Variants in SNTG1 observed in about 807,000 individuals in gnomAD.
The protein encoded by SNTG1 is syntrophin gamma 1.
A neutral mutation model predicts 74.7 loss-of-function variants in SNTG1; 39 were observed. That is an observed-to-expected ratio of 0.52 (90% CI 0.40 to 0.68). The LOEUF is 0.68. Among genes scored for constraint, SNTG1 ranks in the 30% least tolerant of loss-of-function variants. The pLI, the probability that SNTG1 is intolerant of heterozygous loss-of-function variation, is 0.00. For synonymous variants in SNTG1, 254 were observed against 217.1 expected (o/e 1.17, Z -1.49); for missense variants, 685 against 609.5 (o/e 1.12, Z -1.30).
intron 2 of SNTG1, among the ~76,000 whole-genome samples, chr8:50,185,582 A>C (rs185608199): frequency 7.1e-4 from 108 of 152,320 alleles, no homozygotes; most frequent in Non-Finnish European, 1.4e-3. Context: ...TGCTATGATA[A>C]ATATAAATGT....
chr8:50,712,029 A>G (rs1179961718), intron 17 of SNTG1, among the ~76,000 whole-genome samples: 1 of 152,230 alleles, frequency 6.6e-6, no homozygotes, highest in Non-Finnish European at 1.5e-5. Context: ...TTAATTTTAT[A>G]TAGTGATAGA....
chr8:50,472,086 TG>T (rs1341734877), intron 8 of SNTG1, among the ~76,000 whole-genome samples: 4 of 152,160 alleles, frequency 2.6e-5, no homozygotes, highest in African/African-American at 7.2e-5. Context: ...ATTCATGGAC[TG>T]GGAGAGAATT....
intron 17 of SNTG1, among the ~76,000 whole-genome samples, chr8:50,741,990 A>G (rs2095544562): frequency 6.6e-6 from 1 of 152,046 alleles, no homozygotes; most frequent in Non-Finnish European, 1.5e-5. Context: ...TAACACCAAA[A>G]GTGAACCCAA....
At chr8:50,064,430 C>T (rs1381706527) in intron 1 of SNTG1, among the ~76,000 whole-genome samples, 2 of 152,182 alleles carry the variant, frequency 1.3e-5, no homozygotes, top group Non-Finnish European at 2.9e-5. Flanking sequence ...ACCATCACTC[C>T]TACATAGATT....
chr8:50,704,458 A>T (rs2095436604), intron 15 of SNTG1, 142 bp from the exon 16 acceptor site: 1 of 991,752 alleles, frequency 1.0e-6, no homozygotes, highest in Non-Finnish European at 1.6e-6. Flanking sequence ...GAGTTCTGGT[A>T]TAATGTCTAA....
chr8:50,536,852 A>G (rs1405968203), intron 11 of SNTG1, 44 bp downstream of exon 11: 1 of 1,603,310 alleles, frequency 6.2e-7, no homozygotes, highest in Non-Finnish European at 8.5e-7. Flanking sequence ...TTTATGAAAA[A>G]AGAGACCTTT....
intron 12 of SNTG1, among the ~76,000 whole-genome samples, chr8:50,577,999 A>G (rs1328697225): frequency 6.6e-6 from 1 of 152,218 alleles, no homozygotes; most frequent in Non-Finnish European, 1.5e-5. Context: ...TAGAATCCTC[A>G]AAGCATTTGA....
At chr8:50,481,810 A>G (rs1318977876) in intron 8 of SNTG1, among the ~76,000 whole-genome samples, 1 of 152,208 alleles carries the variant, frequency 6.6e-6, no homozygotes, top group African/African-American at 2.4e-5. Context: ...TCACTAATCA[A>G]TATCAAAAAG....
intron 1 of SNTG1, among the ~76,000 whole-genome samples, chr8:49,987,763 C>T (rs756511921): frequency 6.6e-6 from 1 of 151,452 alleles, no homozygotes; most frequent in Non-Finnish European, 1.5e-5. Context: ...ATTCTCCTGC[C>T]CCAGCCTCCT....
At chr8:50,062,893 T>C (rs1820596078) in intron 1 of SNTG1, among the ~76,000 whole-genome samples, 1 of 152,232 alleles carries the variant, frequency 6.6e-6, no homozygotes, top group African/African-American at 2.4e-5. Flanking sequence ...GCATTGTGAA[T>C]CTAGTCAAAT....
At chr8:50,777,775 A>G (rs867886530) in intron 18 of SNTG1, among the ~76,000 whole-genome samples, 71 of 151,870 alleles carry the variant, frequency 4.7e-4, no homozygotes, top group Non-Finnish European at 8.8e-4. Flanking sequence ...ATATGTATAC[A>G]TGTGCCATGC....
intron 2 of SNTG1, among the ~76,000 whole-genome samples, chr8:50,329,812 A>C (rs546124023): frequency 6.6e-6 from 1 of 150,676 alleles, no homozygotes. Context: ...CTCCCTAGAA[A>C]TTTTTTTTTT....
In SNTG1 at chr8:50,640,282, T is replaced by C. The variant is rs540359857; in HGVS notation, c.850-16627T>C. 1.5e-4 allele frequency among the ~76,000 whole-genome samples: 23 copies of C among 152,294 alleles called. No individual in the cohort carries two copies. In the South Asian group the frequency reaches 4.6e-3, roughly 30 times the overall value. On this transcript the variant is annotated intron_variant, in intron 13 of 18. Coordinates refer to ENST00000642720, the MANE Select transcript of SNTG1 (RefSeq NM_018967.5). ...TTCTTCCCTCCCCACTGTCCTATTC[T>C]GAACATAGTACAGGTTGAAAGACTT...
chr8:50,068,732 A>C lies in SNTG1; in HGVS notation c.-102-103829A>C, dbSNP rs530642589. ...TCTGTTGATTCACTACAGTATCTGT[A>C]GTGCCTGAAACAATCCATGATATAC... On this transcript the variant is annotated intron_variant, in intron 1 of 18. Transcript: ENST00000642720. Among the ~76,000 whole-genome samples the C allele has an allele frequency of 2.7e-4, 41 of 151,944 alleles. 2 individuals are homozygous for C. The South Asian group carries it at 8.5e-3, about 32-fold the overall frequency.
At chr8:50,057,353 T>G (rs1176855151) in intron 1 of SNTG1, among the ~76,000 whole-genome samples, 1 of 152,162 alleles carries the variant, frequency 6.6e-6, no homozygotes, top group Non-Finnish European at 1.5e-5. Flanking sequence ...TTATACCTTA[T>G]CGGGAGCAAT....
chr8:50,663,599 C>T (rs1192906101), intron 15 of SNTG1, among the ~76,000 whole-genome samples: 2 of 152,122 alleles, frequency 1.3e-5, no homozygotes, highest in African/African-American at 4.8e-5. Context: ...CTGTAACTCC[C>T]TAACACGGCA....
chr8:49,982,638 G>C (rs1812789655), intron 1 of SNTG1, among the ~76,000 whole-genome samples: 2 of 143,692 alleles, frequency 1.4e-5, no homozygotes, highest in East Asian at 4.0e-4. Context: ...CCAAAACAGT[G>C]TGTGTGTGTG....
rs181160661 is a variant in SNTG1 at position 50,497,155 on chromosome 8, G to A, written c.364-5623G>A. Among the ~76,000 whole-genome samples, 410 of 151,084 alleles carry A rather than the reference G, an allele frequency of 2.7e-3. 2 individuals carry two copies. Among genetic ancestry groups the A allele is most frequent in the African/African-American group, 7.2e-3 (298 of 41,286 alleles). On this transcript the variant is annotated intron_variant, in intron 8 of 18. Transcript: ENST00000642720. Reference sequence around the variant, plus strand: ...GGGTGAGATTTTATTATTGTTTAACGTTCTTATATTTTTCACTTATACTTG... The same window carrying A: ...GGGTGAGATTTTATTATTGTTTAACATTCTTATATTTTTCACTTATACTTG...
chr8:50,402,440 G>T (rs2092818983), intron 4 of SNTG1, 96 bp downstream of exon 4: 2 of 1,395,198 alleles, frequency 1.4e-6, no homozygotes, highest in Admixed American at 2.4e-5. Context: ...TTTTCTTTCA[G>T]TGTCTAGTCA....
Sources: gnomAD v4.1 joint callset for allele counts (sites outside exome capture counted in the v4.1 genomes callset) on GRCh38, gnomAD v4.1.1 for gene constraint, MANE v1.5 for transcripts, NCBI Gene and HGNC (gene_info 2026-07-23, HGNC 2026-07-21) for gene names.